Variants in EXT1 observed in about 807,000 individuals in gnomAD.
EXT1 encodes exostosin-1.
In EXT1, 20 loss-of-function variants were observed where a neutral mutation model predicts 82.5. The observed-to-expected ratio is 0.24, with a 90% CI of 0.17 to 0.35. The LOEUF (loss-of-function observed/expected upper bound fraction) is 0.35, where lower values mean the gene tolerates loss of function less well. EXT1 is among the 10% of genes least tolerant of loss of function. The pLI is 1.00. For missense variants in EXT1, 757 were observed against 936.5 expected, an observed-to-expected ratio of 0.81 and a Z score of 2.50; for synonymous variants, 348 against 350.8, an observed-to-expected ratio of 0.99 and a Z score of 0.09.
Position 117,893,837 on chromosome 8 carries a change from C to G in EXT1, c.963-56636G>C, listed in dbSNP as rs1005818126. On this transcript the variant is annotated intron_variant, in intron 1 of 10. Transcript: ENST00000378204. ...CTTACAAGTCCATCCTTGCCAGACCCGTTATCACCTAGTTTTAGCAAAAAT... is the reference window on the plus strand; with the variant it reads ...CTTACAAGTCCATCCTTGCCAGACCGGTTATCACCTAGTTTTAGCAAAAAT... Among the ~76,000 whole-genome samples, 3 of 152,126 alleles carry G rather than the reference C, an allele frequency of 2.0e-5. No homozygotes were observed. In the East Asian group the frequency reaches 5.8e-4, roughly 29 times the overall value.
intron 1 of EXT1, among the ~76,000 whole-genome samples, chr8:118,005,259 A>C (rs1042022685): frequency 6.6e-6 from 1 of 152,158 alleles, no homozygotes; most frequent in Non-Finnish European, 1.5e-5. Context: ...ACTATTAGGG[A>C]TTAGTCTAAA....
chr8:118,085,999 T>C (rs886408816), intron 1 of EXT1, among the ~76,000 whole-genome samples: 2 of 152,218 alleles, frequency 1.3e-5, no homozygotes, highest in African/African-American at 4.8e-5. Flanking sequence ...AATCTCAGAA[T>C]ATACAGCTCA....
chr8:117,850,663 T>C (rs1812437357), intron 1 of EXT1, among the ~76,000 whole-genome samples: 1 of 152,208 alleles, frequency 6.6e-6, no homozygotes, highest in African/African-American at 2.4e-5. Context: ...AGATAACTAT[T>C]CTATAAATCA....
chr8:118,092,588 G>A (rs1817541359), intron 1 of EXT1, among the ~76,000 whole-genome samples: 1 of 152,154 alleles, frequency 6.6e-6, no homozygotes, highest in Non-Finnish European at 1.5e-5. Flanking sequence ...AAGACATAAG[G>A]AGGACGATCC....
chr8:117,964,687 G>C (rs1447494775), intron 1 of EXT1, among the ~76,000 whole-genome samples: 4 of 152,140 alleles, frequency 2.6e-5, no homozygotes, highest in African/African-American at 9.7e-5. Flanking sequence ...CAGGCGGCTG[G>C]AGTGTAGTGG....
chr8:117,820,232 A>C (rs899991390), intron 5 of EXT1, among the ~76,000 whole-genome samples: 1 of 152,194 alleles, frequency 6.6e-6, no homozygotes, highest in African/African-American at 2.4e-5. Context: ...GTGGGAAAAA[A>C]GGTGAAAGGA....
intron 1 of EXT1, among the ~76,000 whole-genome samples, chr8:117,911,598 CT>C (rs1813649281): frequency 6.6e-6 from 1 of 152,188 alleles, no homozygotes. Context: ...TGAGACTGGC[CT>C]CAGAAAGAAG....
intron 1 of EXT1, among the ~76,000 whole-genome samples, chr8:117,870,489 C>G (rs1037052274): frequency 1.9e-4 from 28 of 144,662 alleles, no homozygotes; most frequent in Non-Finnish European, 2.2e-4. Flanking sequence ...GTAGAAGGAG[C>G]AAGGAGGGGT....
chr8:117,834,081 A>C (rs535906446), intron 3 of EXT1, among the ~76,000 whole-genome samples: 2 of 152,182 alleles, frequency 1.3e-5, no homozygotes, highest in South Asian at 2.1e-4. Context: ...TTATTCCCCC[A>C]AAAACAGATT....
intron 7 of EXT1, among the ~76,000 whole-genome samples, chr8:117,817,826 C>G (rs550154872): frequency 5.9e-5 from 9 of 152,282 alleles, no homozygotes; most frequent in Admixed American, 5.9e-4. Context: ...ATTGGAAGCA[C>G]TAGCAAATGG....
intron 1 of EXT1, among the ~76,000 whole-genome samples, chr8:117,969,322 T>C (rs964778833): frequency 1.3e-5 from 2 of 152,222 alleles, no homozygotes; most frequent in African/African-American, 4.8e-5. Flanking sequence ...TTAACGGAAT[T>C]GAACAGAGTT....
At position 117,869,130 on chromosome 8, in the gene EXT1, G is replaced by A. The variant is rs1440168024; in HGVS notation, c.963-31929C>T. ...CACCCAGTGTCTGCCCCACTTTGGC[G>A]GATGAGGCTTCTCTCCAGACCCATG... On this transcript the variant is annotated intron_variant, in intron 1 of 10. Transcript: ENST00000378204. Among the ~76,000 whole-genome samples the A allele has an allele frequency of 5.9e-5, 9 of 152,246 alleles. 1 individual carries two copies. The South Asian group carries it at 8.3e-4, about 14-fold the overall frequency.
chr8:117,981,949 TAAACTA>T (rs1815215081), intron 1 of EXT1, among the ~76,000 whole-genome samples: 1 of 152,176 alleles, frequency 6.6e-6, no homozygotes, highest in Non-Finnish European at 1.5e-5. Context: ...TTTCAGAAAC[TAAACTA>T]AATTTCATTT....
chr8:117,962,096 A>G (rs532855148), intron 1 of EXT1, among the ~76,000 whole-genome samples: 168 of 149,082 alleles, frequency 1.1e-3, no homozygotes, highest in African/African-American at 4.1e-3. Flanking sequence ...ATGCCACCTC[A>G]GTAGGCTCAT....
At position 117,835,630 on chromosome 8, in the gene EXT1, A is replaced by G. The variant is rs1017526235; in HGVS notation, c.1057-79T>C. The stretch of plus-strand genomic sequence containing the variant: ...TCCAATCAGAGGTGAAATCAGTACA[A>G]ACTCAATGACTGGCATTTTTGACAC... On this transcript the variant is annotated intron_variant, in intron 2 of 10. Coordinates refer to ENST00000378204, the MANE Select transcript of EXT1 (RefSeq NM_000127.3). The G allele has an allele frequency of 5.7e-5, 61 of 1,072,178 alleles. No homozygotes were observed. The African/African-American group carries it at 7.7e-4, about 14-fold the overall frequency. The allele number at this position is 1,072,178 out of a possible 1,614,324, so 66.4% of individuals were successfully genotyped here.
chr8:117,992,178 C>T (rs1435506783), intron 1 of EXT1, among the ~76,000 whole-genome samples: 1 of 152,072 alleles, frequency 6.6e-6, no homozygotes, highest in Non-Finnish European at 1.5e-5. Context: ...CCCTCCCTCA[C>T]TTCACTTCAT....
At chr8:118,086,577 C>T (rs1817422728) in intron 1 of EXT1, among the ~76,000 whole-genome samples, 1 of 152,052 alleles carries the variant, frequency 6.6e-6, no homozygotes, top group Non-Finnish European at 1.5e-5. Context: ...ATTCAGCTTC[C>T]CTTTGGATGA....
intron 1 of EXT1, among the ~76,000 whole-genome samples, chr8:118,085,057 T>A (rs376396289): frequency 6.6e-6 from 1 of 152,214 alleles, no homozygotes; most frequent in African/African-American, 2.4e-5. Flanking sequence ...GATGTTTCGA[T>A]TGTTAAGCAT....
At chr8:117,900,449 T>C (rs1813420791) in intron 1 of EXT1, among the ~76,000 whole-genome samples, 1 of 152,218 alleles carries the variant, frequency 6.6e-6, no homozygotes, top group South Asian at 2.1e-4. Flanking sequence ...TTCATTCCAA[T>C]TCATGACTAA....
Sources: gnomAD v4.1 joint callset for allele counts (sites outside exome capture counted in the v4.1 genomes callset) on GRCh38, gnomAD v4.1.1 for gene constraint, MANE v1.5 for transcripts, NCBI Gene and HGNC (gene_info 2026-07-23, HGNC 2026-07-21) for gene names.